Variants in KCNH8 observed in about 807,000 individuals in gnomAD.
The protein encoded by KCNH8 is voltage-gated delayed rectifier potassium channel KCNH8.
KCNH8 carries 70 observed loss-of-function variants against 103.6 expected under a neutral mutation model. That is an observed-to-expected ratio of 0.68 (90% CI 0.56 to 0.82). The LOEUF (loss-of-function observed/expected upper bound fraction) is 0.82. Among genes scored for constraint, KCNH8 ranks in the 40% least tolerant of loss-of-function variants. KCNH8 has a pLI of 0.00. For missense variants in KCNH8, 1,217 were observed against 1,329.9 expected (o/e 0.92, Z 1.32); for synonymous variants, 498 against 489.4 (o/e 1.02, Z -0.23).
At chr3:19,379,759 G>T (rs1353705272) in intron 5 of KCNH8, among the ~76,000 whole-genome samples, 1 of 152,168 alleles carries the variant, frequency 6.6e-6, no homozygotes, top group Non-Finnish European at 1.5e-5. Flanking sequence ...AATTTTTGGA[G>T]CTATGCCTCA....
At chr3:19,393,079 G>C (rs1486049723) in intron 6 of KCNH8, among the ~76,000 whole-genome samples, 1 of 151,828 alleles carries the variant, frequency 6.6e-6, no homozygotes, top group Non-Finnish European at 1.5e-5. Context: ...ATGTCCATTG[G>C]TAAAAGGGGA....
intron 11 of KCNH8, among the ~76,000 whole-genome samples, chr3:19,503,130 CA>C (rs1190541526): frequency 2.6e-5 from 4 of 151,054 alleles, no homozygotes; most frequent in Non-Finnish European, 5.9e-5. Flanking sequence ...CATGAACAGA[CA>C]CTTCTCAAAA....
chr3:19,504,986 C>CAT (rs1320917415), intron 11 of KCNH8, among the ~76,000 whole-genome samples: 61 of 150,104 alleles, frequency 4.1e-4, no homozygotes, highest in Admixed American at 3.7e-3. Flanking sequence ...TATATATACA[C>CAT]ATATATATAT....
intron 2 of KCNH8, among the ~76,000 whole-genome samples, chr3:19,265,498 C>G (rs532096586): frequency 6.6e-6 from 1 of 152,126 alleles, no homozygotes; most frequent in East Asian, 2.0e-4. Flanking sequence ...TGATATTCTT[C>G]CCACCAGAAG....
rs1007535450 is a variant in KCNH8, at chr3:19,259,723, A to G, written c.310+5836A>G. Among the ~76,000 whole-genome samples, 6 of 151,868 alleles carry G rather than the reference A, an allele frequency of 4.0e-5. No homozygotes were observed. In the South Asian group the frequency reaches 6.2e-4, roughly 16 times the overall value. ...GTTTTCAATTGTTTGTGAAATGGAT[A>G]TATGGATACATACACACATATATAT... On this transcript the variant is annotated intron_variant, in intron 2 of 15. Transcript: ENST00000328405.
chr3:19,372,313 G>T (rs2066112094), intron 5 of KCNH8, among the ~76,000 whole-genome samples: 1 of 151,272 alleles, frequency 6.6e-6, no homozygotes, highest in Non-Finnish European at 1.5e-5. Flanking sequence ...AGTTCTCCTT[G>T]AAGAGGTCCT....
chr3:19,451,556 T>C, intron 10 of KCNH8, 152 bp downstream of exon 10: 1 of 678,700 alleles, frequency 1.5e-6, no homozygotes, highest in Non-Finnish European at 2.5e-6. Flanking sequence ...AGTGTGCCTA[T>C]GTGTTATATC....
At chr3:19,470,433 C>T (rs1250894717) in intron 11 of KCNH8, among the ~76,000 whole-genome samples, 1 of 152,154 alleles carries the variant, frequency 6.6e-6, no homozygotes, top group Non-Finnish European at 1.5e-5. Flanking sequence ...ATCCAAATGG[C>T]AGAAATATGG....
chr3:19,423,903 T>A (rs2066988587), intron 7 of KCNH8, among the ~76,000 whole-genome samples: 1 of 152,144 alleles, frequency 6.6e-6, no homozygotes, highest in Non-Finnish European at 1.5e-5. Flanking sequence ...CCACCAGCAG[T>A]GTAAAAGTAG....
intron 15 of KCNH8, among the ~76,000 whole-genome samples, chr3:19,525,870 T>C (rs2069054805): frequency 6.6e-6 from 1 of 151,924 alleles, no homozygotes; most frequent in African/African-American, 2.4e-5. Flanking sequence ...GGTCCTCATA[T>C]GGATGAAATG....
chr3:19,252,758 T>A (rs1028772354), intron 1 of KCNH8, among the ~76,000 whole-genome samples: 8 of 152,170 alleles, frequency 5.3e-5, no homozygotes, highest in African/African-American at 1.9e-4. Context: ...AAGCACATAA[T>A]ATGCATAATC....
chr3:19,393,898 A>G (rs1460706796), intron 6 of KCNH8, among the ~76,000 whole-genome samples: 1 of 152,114 alleles, frequency 6.6e-6, no homozygotes, highest in Non-Finnish European at 1.5e-5. Flanking sequence ...GAGTGTTTGC[A>G]TCTTAACTTG....
chr3:19,149,147 C>A (rs548954137), intron 1 of KCNH8, among the ~76,000 whole-genome samples: 1 of 152,108 alleles, frequency 6.6e-6, no homozygotes, highest in Non-Finnish European at 1.5e-5. Context: ...TGTACCTAAT[C>A]TTTCTAGAGT....
intron 1 of KCNH8, among the ~76,000 whole-genome samples, chr3:19,253,179 ACTTG>A (rs778836153): frequency 1.2e-4 from 19 of 152,146 alleles, no homozygotes; most frequent in Non-Finnish European, 2.4e-4. Flanking sequence ...TCAATTTACT[ACTTG>A]CTTTCTTCCT....
At chr3:19,448,765 T>A (rs1381674527) in intron 8 of KCNH8, among the ~76,000 whole-genome samples, 1 of 152,098 alleles carries the variant, frequency 6.6e-6, no homozygotes, top group Non-Finnish European at 1.5e-5. Context: ...TAGTCTTTTT[T>A]TAAGCCCCAA....
intron 3 of KCNH8, among the ~76,000 whole-genome samples, chr3:19,335,334 G>A (rs561382229): frequency 5.9e-5 from 9 of 151,264 alleles, no homozygotes; most frequent in Non-Finnish European, 8.9e-5. Context: ...ACATGAGATT[G>A]ATATATTTTT....
intron 1 of KCNH8, among the ~76,000 whole-genome samples, chr3:19,253,422 G>A (rs558020072): frequency 1.3e-5 from 2 of 151,884 alleles, no homozygotes; most frequent in South Asian, 4.2e-4. Flanking sequence ...CAGTGAACAT[G>A]TATGTTTCTT....
chr3:19,170,806 A>ATT (rs1473525004), intron 1 of KCNH8, among the ~76,000 whole-genome samples: 11 of 103,400 alleles, frequency 1.1e-4, no homozygotes, highest in African/African-American at 4.8e-4. Flanking sequence ...ATATATATAT[A>ATT]TATATTTTTT....
At chr3:19,424,633 G>T (rs917470131) in intron 7 of KCNH8, among the ~76,000 whole-genome samples, 1 of 151,776 alleles carries the variant, frequency 6.6e-6, no homozygotes, top group African/African-American at 2.4e-5. Context: ...AACTAAAAAG[G>T]AGGAAATGAT....
Sources: gnomAD v4.1 joint callset for allele counts (sites outside exome capture counted in the v4.1 genomes callset) on GRCh38, gnomAD v4.1.1 for gene constraint, MANE v1.5 for transcripts, NCBI Gene and HGNC (gene_info 2026-07-23, HGNC 2026-07-21) for gene names.